The following RHBDD2 variants were observed in gnomAD, a reference collection of about 807,000 sequenced individuals.
RHBDD2 encodes the protein rhomboid domain-containing protein 2.
A neutral mutation model predicts 21.7 loss-of-function variants in RHBDD2; 13 were observed. The observed-to-expected ratio is 0.60, with a 90% CI of 0.39 to 0.95. RHBDD2 has a LOEUF of 0.95. RHBDD2 is among the 40% of genes least tolerant of loss of function. RHBDD2 has a pLI of 0.00. For synonymous variants in RHBDD2, 225 were observed against 220.0 expected, an observed-to-expected ratio of 1.02 and a Z score of -0.20; for missense variants, 473 against 478.9, an observed-to-expected ratio of 0.99 and a Z score of 0.11.
intron 1 of RHBDD2, chr7:75,880,183 A>G (rs1329879989): frequency 6.6e-6 from 1 of 152,084 alleles, no homozygotes; most frequent in Non-Finnish European, 1.5e-5. Flanking sequence ...CTTCGGGTAG[A>G]TAATCTCCAA....
intron 3 of RHBDD2, 70 bp from the exon 4 acceptor site, chr7:75,887,922 C>A: frequency 7.3e-7 from 1 of 1,370,960 alleles, no homozygotes; most frequent in Non-Finnish European, 1.0e-6. Flanking sequence ...CGGGGGCAAC[C>A]TCAAGCACAA....
chr7:75,880,087 C>T (rs1805229957), intron 1 of RHBDD2, among the ~76,000 whole-genome samples: 1 of 152,080 alleles, frequency 6.6e-6, no homozygotes, highest in Non-Finnish European at 1.5e-5. Flanking sequence ...AGGTTTCATG[C>T]AGAGAATCGC....
chr7:75,879,285 CG>C, intron 1 of RHBDD2, 25 bp downstream of exon 1: 1 of 1,450,890 alleles, frequency 6.9e-7, no homozygotes. Context: ...GCCGGGATCG[CG>C]GGGCGAGTCC....
intron 2 of RHBDD2, 38 bp from the exon 3 acceptor site, chr7:75,883,660 T>A: frequency 1.2e-6 from 2 of 1,601,208 alleles, no homozygotes; most frequent in Non-Finnish European, 1.7e-6. Flanking sequence ...CCCTCCTCCC[T>A]TTGCTGCCTC....
chr7:75,887,243 T>G (rs1554544118), intron 3 of RHBDD2, among the ~76,000 whole-genome samples: 2 of 147,480 alleles, frequency 1.4e-5, no homozygotes, highest in African/African-American at 5.0e-5. Context: ...GTTTAAGCAG[T>G]CCTCCTACCT....
At chr7:75,887,745 C>T (rs561604572) in intron 3 of RHBDD2, among the ~76,000 whole-genome samples, 4 of 152,240 alleles carry the variant, frequency 2.6e-5, no homozygotes, top group South Asian at 2.1e-4. Flanking sequence ...CTCCGGTGGT[C>T]TCAGTGGCAG....
chr7:75,881,861 G>A lies in RHBDD2; in HGVS notation c.211G>A (p.Glu71Lys), dbSNP rs782418470. 6.1e-5 allele frequency: 98 copies of A among 1,611,626 alleles called. No individual in the cohort carries two copies. The highest frequency in any genetic ancestry group is 7.9e-5 in the Non-Finnish European group (93 of 1,178,420). The change falls in exon 2 of 4, where the codon GAG (glutamate) becomes AAG (lysine). Residue 71 changes from glutamate to lysine, a missense_variant. Transcript: ENST00000006777. The part of the protein sequence containing the change: ...YRLVTYIFVY[E>K]NPISLLCGAI... The stretch of plus-strand genomic sequence containing the variant: ...GCTGGTAACCTACATCTTTGTCTAC[G>A]AGAATCCCATCTCCCTGCTCTGCGG...
chr7:75,883,529 A>AG, intron 2 of RHBDD2, 169 bp from the exon 3 acceptor site: 1 of 572,984 alleles, frequency 1.7e-6, no homozygotes, highest in Admixed American at 3.1e-5. Flanking sequence ...AAAAAAAAAA[A>AG]CAAACCTTTG....
At chr7:75,880,838 G>T (rs1390344122) in intron 1 of RHBDD2, among the ~76,000 whole-genome samples, 17 of 152,118 alleles carry the variant, frequency 1.1e-4, no homozygotes, top group Admixed American at 3.3e-4. Flanking sequence ...CGAGCCTCCT[G>T]CCTCAGCCTC....
chr7:75,880,624 CTT>C (rs1360920658), intron 1 of RHBDD2, among the ~76,000 whole-genome samples: 1 of 152,176 alleles, frequency 6.6e-6, no homozygotes, highest in Non-Finnish European at 1.5e-5. Context: ...CACTCCAAGT[CTT>C]TAGACTCCCA....
At chr7:75,884,903 C>T (rs1805561562) in intron 3 of RHBDD2, among the ~76,000 whole-genome samples, 1 of 152,058 alleles carries the variant, frequency 6.6e-6, no homozygotes, top group Non-Finnish European at 1.5e-5. Context: ...CATATAAGGT[C>T]AGGAATTTGA....
chr7:75,880,771 G>A (rs782251648), intron 1 of RHBDD2, among the ~76,000 whole-genome samples: 71 of 152,100 alleles, frequency 4.7e-4, no homozygotes, highest in Admixed American at 7.9e-4. Flanking sequence ...TCTTACCCAG[G>A]CTGGAGTGCA....
chr7:75,882,481 G>A (rs1365717804), intron 2 of RHBDD2, among the ~76,000 whole-genome samples: 1 of 151,880 alleles, frequency 6.6e-6, no homozygotes, highest in Non-Finnish European at 1.5e-5. Flanking sequence ...CACTACACCC[G>A]GCTAATTTTT....
intron 1 of RHBDD2, 106 bp downstream of exon 1, chr7:75,879,366 T>C: frequency 9.3e-7 from 1 of 1,076,848 alleles, no homozygotes; most frequent in Non-Finnish European, 1.2e-6. Context: ...TCACCGCCAG[T>C]CTCCCCCTGT....
intron 3 of RHBDD2, among the ~76,000 whole-genome samples, chr7:75,886,852 A>G (rs565598617): frequency 6.8e-4 from 103 of 152,066 alleles, no homozygotes; most frequent in African/African-American, 2.1e-3. Context: ...CTGAATTGCA[A>G]TCAGCCTCAC....
chr7:75,886,966 C>G (rs576104838), intron 3 of RHBDD2, among the ~76,000 whole-genome samples: 1 of 152,174 alleles, frequency 6.6e-6, no homozygotes, highest in African/African-American at 2.4e-5. Context: ...CCCCACGTGA[C>G]ATGGAGTCCA....
chr7:75,886,561 T>C (rs1805683729), intron 3 of RHBDD2, among the ~76,000 whole-genome samples: 1 of 152,006 alleles, frequency 6.6e-6, no homozygotes, highest in Non-Finnish European at 1.5e-5. Flanking sequence ...ACACCTGTAA[T>C]CCCAGCACTT....
chr7:75,886,194 G>C (rs1805654864), intron 3 of RHBDD2, among the ~76,000 whole-genome samples: 1 of 152,156 alleles, frequency 6.6e-6, no homozygotes, highest in Non-Finnish European at 1.5e-5. Context: ...ATAGGAAGCT[G>C]CCCTTAGAGC....
chr7:75,884,118 C>T (rs1805506694), intron 3 of RHBDD2, among the ~76,000 whole-genome samples: 1 of 152,164 alleles, frequency 6.6e-6, no homozygotes, highest in Admixed American at 6.5e-5. Flanking sequence ...TGGTCTCGAA[C>T]TCCTGACCTT....
Sources: allele counts gnomAD v4.1 joint callset (sites outside exome capture counted in the v4.1 genomes callset), GRCh38; gene constraint gnomAD v4.1.1; transcripts MANE v1.5; gene names NCBI Gene and HGNC (gene_info 2026-07-23, HGNC 2026-07-21).